Variants in NKIRAS1 observed in about 807,000 individuals in gnomAD.
NKIRAS1 encodes the protein NF-kappa-B inhibitor-interacting Ras-like protein 1.
A neutral mutation model predicts 19.8 loss-of-function variants in NKIRAS1; 16 were observed. The observed-to-expected ratio is 0.81, with a 90% CI of 0.55 to 1.23. The LOEUF is 1.23. NKIRAS1 is among the 50% of genes most tolerant of loss of function. NKIRAS1 has a pLI of 0.00. For synonymous variants in NKIRAS1, 88 were observed against 79.0 expected, an observed-to-expected ratio of 1.11 and a Z score of -0.61; for missense variants, 184 against 220.0, an observed-to-expected ratio of 0.84 and a Z score of 1.04.
chr3:23,907,879 G>A (rs1703228419), intron 3 of NKIRAS1, among the ~76,000 whole-genome samples: 1 of 152,154 alleles, frequency 6.6e-6, no homozygotes. Context: ...TCTCTTGTGT[G>A]TTTTAAATTG....
rs1183776385 is a variant in NKIRAS1 at position 23,906,168 on chromosome 3, A to AC, written c.94+4642_94+4643insG. Among the ~76,000 whole-genome samples, 18 of 151,582 alleles carry AC rather than the reference A, an allele frequency of 1.2e-4. 1 individual carries two copies. The highest frequency in any genetic ancestry group is 2.2e-4 in the Non-Finnish European group (15 of 67,890). On this transcript the variant is annotated intron_variant, in intron 3 of 4. Coordinates refer to ENST00000425478, the MANE Select transcript of NKIRAS1 (RefSeq NM_020345.4). ...AGCGAGACTCCGTCTCAAAAAAAAA[A>AC]AAAAAAAAAACCAAAGGGAGAAACA...
chr3:23,896,660 T>C (rs1049054697), intron 4 of NKIRAS1, among the ~76,000 whole-genome samples: 9 of 151,374 alleles, frequency 5.9e-5, no homozygotes, highest in Admixed American at 4.0e-4. Flanking sequence ...ATATTATACA[T>C]TAGTTACCAA....
intron 1 of NKIRAS1, among the ~76,000 whole-genome samples, chr3:23,941,833 T>C (rs908507463): frequency 1.3e-5 from 2 of 152,222 alleles, no homozygotes; most frequent in Non-Finnish European, 1.5e-5. Context: ...TAGACACTGA[T>C]ATTATTTTAT....
chr3:23,932,414 A>G lies in NKIRAS1; in HGVS notation c.-140+13909T>C, dbSNP rs76415641. 5.3e-5 allele frequency among the ~76,000 whole-genome samples: 8 copies of G among 152,252 alleles called. No homozygotes were observed. In the East Asian group the frequency reaches 1.5e-3, roughly 29 times the overall value. ...GGACTGTTTATTATTGTTTGCTACA[A>G]AATAACTTCTAGGCCTGTAATTCCA... On this transcript the variant is annotated intron_variant, in intron 1 of 4. Coordinates refer to the NKIRAS1 transcript ENST00000421515.
intron 1 of NKIRAS1, among the ~76,000 whole-genome samples, chr3:23,937,148 G>A (rs931576014): frequency 3.9e-5 from 6 of 151,958 alleles, no homozygotes; most frequent in Admixed American, 3.3e-4. Flanking sequence ...GGGAGGCTGA[G>A]GTGGGCAGAT....
At chr3:23,945,644 A>T in intron 1 of NKIRAS1, 3 of 906,794 alleles carry the variant, frequency 3.3e-6, no homozygotes, top group Non-Finnish European at 4.0e-6. Context: ...GAGCGCTCAG[A>T]GCCCGCGGGG....
At chr3:23,943,691 G>A (rs1705554469) in intron 1 of NKIRAS1, among the ~76,000 whole-genome samples, 1 of 152,150 alleles carries the variant, frequency 6.6e-6, no homozygotes. Flanking sequence ...ACATGAAAAA[G>A]CAAGCAAGCT....
upstream of NKIRAS1, chr3:23,921,934 A>ACTGG (rs557328573): frequency 3.5e-6 from 1 of 285,076 alleles, no homozygotes; most frequent in Admixed American, 5.0e-5. Flanking sequence ...GTCTCAAACT[A>ACTGG]CTGGCCTCAA....
intron 1 of NKIRAS1, among the ~76,000 whole-genome samples, chr3:23,935,893 A>G (rs769635668): frequency 1.3e-5 from 2 of 152,076 alleles, no homozygotes; most frequent in African/African-American, 2.4e-5. Context: ...CAGCCCAGGC[A>G]ACACAGCAAA....
intron 1 of NKIRAS1, chr3:23,923,046 T>C (rs1705139460): frequency 1.3e-5 from 2 of 152,092 alleles, no homozygotes; most frequent in Non-Finnish European, 2.9e-5. Context: ...TCAAGCAATC[T>C]TCCTGTCTCT....
upstream of NKIRAS1, chr3:23,919,917 CT>C: frequency 3.0e-6 from 3 of 990,506 alleles, no homozygotes; most frequent in Non-Finnish European, 3.6e-6. Context: ...CAGGTGTAGA[CT>C]TTTTAAGTTG....
In NKIRAS1 at chr3:23,891,769, C is replaced by T. The variant is rs1315918040; in HGVS notation, c.*1326G>A. 1 of 152,110 alleles carries T rather than the reference C, an allele frequency of 6.6e-6. No homozygotes were observed. 9.4% of individuals were successfully genotyped at this position (152,110 alleles called of 1,614,324 possible). A position where few individuals can be genotyped will look rare whatever the true frequency, so the allele number is the denominator to read the frequency against. On this transcript the variant is annotated 3_prime_UTR_variant, in exon 5 of 5. Transcript: ENST00000425478. ...TGGTAACTGTTTGTACTAATATAGA[C>T]TAAGTTGCATTAGTAGGAAACAAAG... is the stretch of plus-strand genomic sequence containing the variant.
At chr3:23,933,622 G>T (rs1302485170) in intron 1 of NKIRAS1, among the ~76,000 whole-genome samples, 1 of 152,126 alleles carries the variant, frequency 6.6e-6, no homozygotes, top group Non-Finnish European at 1.5e-5. Context: ...GAATTCCTGT[G>T]CCTATCTCCC....
chr3:23,896,663 G>T, intron 4 of NKIRAS1, among the ~76,000 whole-genome samples: 1 of 149,758 alleles, frequency 6.7e-6, no homozygotes, highest in Non-Finnish European at 1.5e-5. Flanking sequence ...TTATACATTA[G>T]TTACCAAGAA....
intron 1 of NKIRAS1, among the ~76,000 whole-genome samples, chr3:23,934,418 T>G (rs1310194573): frequency 2.6e-5 from 4 of 152,218 alleles, no homozygotes; most frequent in African/African-American, 9.6e-5. Flanking sequence ...ATGTCTCTTG[T>G]GATATTGGGA....
chr3:23,941,816 A>T (rs982816469), intron 1 of NKIRAS1, among the ~76,000 whole-genome samples: 1 of 152,202 alleles, frequency 6.6e-6, no homozygotes, highest in Non-Finnish European at 1.5e-5. Context: ...AAAAACGCTG[A>T]GGCTCATAGA....
chr3:23,924,004 G>A (rs1423727854), intron 1 of NKIRAS1: 4 of 152,146 alleles, frequency 2.6e-5, no homozygotes, highest in Admixed American at 2.6e-4. Flanking sequence ...ATGCATTTAG[G>A]TTGGGGTCAT....
chr3:23,893,857 A>AG lies in NKIRAS1; in HGVS notation c.337-521_337-520insC, dbSNP rs1241869336. The stretch of plus-strand genomic sequence containing the variant: ...TCTGTAGTTTGCTAACTGTAAAAAA[A>AG]AAAAAATTAGCTCAGGTATGAATGG... On this transcript the variant is annotated intron_variant, in intron 4 of 4. Coordinates refer to ENST00000425478, the MANE Select transcript of NKIRAS1 (RefSeq NM_020345.4). 3.6e-3 allele frequency among the ~76,000 whole-genome samples: 552 copies of AG among 152,110 alleles called. 1 individual carries two copies. The highest frequency in any genetic ancestry group is 5.8e-3 in the Non-Finnish European group (391 of 67,996).
In NKIRAS1 at chr3:23,892,926, AG is replaced by A; in HGVS notation, c.*168del. Reference sequence around the variant, plus strand: ...TTTCATATCAGGCAATAATAACCTTAGCCCAAATACTTTTAACATCTAAAGT... The same window carrying A: ...TTTCATATCAGGCAATAATAACCTTACCCAAATACTTTTAACATCTAAAGT... On this transcript the variant is annotated 3_prime_UTR_variant, in exon 5 of 5. Coordinates refer to ENST00000425478, the MANE Select transcript of NKIRAS1 (RefSeq NM_020345.4). 3.9e-6 allele frequency: 2 copies of A among 518,290 alleles called. No individual in the cohort carries two copies. The highest frequency in any genetic ancestry group is 5.0e-5 in the South Asian group (1 of 20,178). 32.1% of individuals were successfully genotyped at this position (518,290 alleles called of 1,614,324 possible).
Sources: gnomAD v4.1 joint callset for allele counts (sites outside exome capture counted in the v4.1 genomes callset) on GRCh38, gnomAD v4.1.1 for gene constraint, MANE v1.5 for transcripts, NCBI Gene and HGNC (gene_info 2026-07-23, HGNC 2026-07-21) for gene names.